KCNQ3: variants seen among roughly 807,000 people sequenced by gnomAD.
The protein encoded by KCNQ3 is potassium voltage-gated channel subfamily KQT member 3.
KCNQ3 carries 30 observed loss-of-function variants against 92.5 expected under a neutral mutation model. The ratio of observed to expected loss-of-function variants is 0.32; its 90% CI spans 0.24 to 0.44. The LOEUF (loss-of-function observed/expected upper bound fraction) is 0.44, where lower values mean the gene tolerates loss of function less well. KCNQ3 is among the 20% of genes least tolerant of loss of function. KCNQ3 has a pLI of 1.00. For synonymous variants in KCNQ3, 450 were observed against 468.8 expected (o/e 0.96, Z 0.52); for missense variants, 913 against 1,140.3 (o/e 0.80, Z 2.87).
At chr8:132,382,407 C>T (rs1211428456) in intron 1 of KCNQ3, among the ~76,000 whole-genome samples, 2 of 152,144 alleles carry the variant, frequency 1.3e-5, no homozygotes, top group South Asian at 2.1e-4. Flanking sequence ...ATGCGACATG[C>T]CTGTTCCCCT....
At chr8:132,272,950 T>G (rs13276897) in intron 1 of KCNQ3, among the ~76,000 whole-genome samples, 1 of 151,952 alleles carries the variant, frequency 6.6e-6, no homozygotes, top group Non-Finnish European at 1.5e-5. Context: ...GTACACAGTC[T>G]GAAGTCTCAT....
chr8:132,376,090 C>T (rs1209164676), intron 1 of KCNQ3, among the ~76,000 whole-genome samples: 3 of 152,122 alleles, frequency 2.0e-5, no homozygotes, highest in East Asian at 3.9e-4. Flanking sequence ...ATTGAACTTG[C>T]CTAGCATGCC....
chr8:132,175,625 T>C lies in KCNQ3; in HGVS notation c.778-17A>G. On this transcript the variant is annotated splice_polypyrimidine_tract_variant and intron_variant, in intron 4 of 14. Coordinates refer to ENST00000388996, the MANE Select transcript of KCNQ3 (RefSeq NM_004519.4). Reference sequence around the variant, plus strand: ...GATGAGTTCCTGAAAGAATGAACAGTGGACATGAAAAGTGGTCACTGGGGA... The same window carrying C: ...GATGAGTTCCTGAAAGAATGAACAGCGGACATGAAAAGTGGTCACTGGGGA... The C allele has an allele frequency of 1.2e-6, 2 of 1,613,130 alleles. No individual in the cohort carries two copies. The highest frequency in any genetic ancestry group is 1.7e-5 in the Admixed American group (1 of 59,870).
Position 132,480,678 on chromosome 8 carries a change from C to CG in KCNQ3, c.-147_-146insC, listed in dbSNP as rs1023163995. 1.0e-5 allele frequency: 9 copies of CG among 900,134 alleles called. No homozygotes were observed. In the Admixed American group the frequency reaches 2.7e-4, roughly 27 times the overall value. 55.8% of individuals were successfully genotyped at this position (900,134 alleles called of 1,614,324 possible). On this transcript the variant is annotated 5_prime_UTR_variant, in exon 1 of 15. Coordinates refer to ENST00000388996, the MANE Select transcript of KCNQ3 (RefSeq NM_004519.4). ...TCCGCGCGCCCCTCCCCACCCCCCC[C>CG]CAAAAGCAGGCAAAGGCGGGCCCCC...
intron 1 of KCNQ3, among the ~76,000 whole-genome samples, chr8:132,339,390 G>T (rs181072443): frequency 6.6e-6 from 1 of 152,192 alleles, no homozygotes; most frequent in East Asian, 1.9e-4. Flanking sequence ...ATACAAGTTT[G>T]TCCTCTGCCA....
intron 11 of KCNQ3, 151 bp downstream of exon 11, chr8:132,139,925 T>A (rs976967645): frequency 3.3e-6 from 2 of 609,916 alleles, no homozygotes; most frequent in Non-Finnish European, 5.8e-6. Context: ...CATACAGTAT[T>A]TACATACTTC....
intron 11 of KCNQ3, among the ~76,000 whole-genome samples, chr8:132,139,427 C>T (rs759562424): frequency 6.6e-6 from 1 of 152,238 alleles, no homozygotes; most frequent in Non-Finnish European, 1.5e-5. Flanking sequence ...CTGTGCTTCC[C>T]TATCTATTGG....
intron 9 of KCNQ3, among the ~76,000 whole-genome samples, chr8:132,155,920 C>T (rs898908605): frequency 6.6e-6 from 1 of 152,098 alleles, no homozygotes; most frequent in Non-Finnish European, 1.5e-5. Flanking sequence ...TGAAATAACT[C>T]TGATGTGTTA....
At chr8:132,291,380 G>A (rs911853685) in intron 1 of KCNQ3, among the ~76,000 whole-genome samples, 4 of 152,190 alleles carry the variant, frequency 2.6e-5, no homozygotes, top group African/African-American at 9.7e-5. Flanking sequence ...ACAGCCTGCT[G>A]ATGTGAAATA....
intron 4 of KCNQ3, 27 bp downstream of exon 4, chr8:132,180,130 G>C: frequency 6.2e-7 from 1 of 1,613,340 alleles, no homozygotes; most frequent in Non-Finnish European, 8.5e-7. Flanking sequence ...AGCCCATGTG[G>C]TCCTGCAGTT....
chr8:132,251,273 A>C (rs1359181722), intron 1 of KCNQ3, among the ~76,000 whole-genome samples: 1 of 152,166 alleles, frequency 6.6e-6, no homozygotes, highest in Non-Finnish European at 1.5e-5. Context: ...AAGAAAAAAA[A>C]AGGCATGCTT....
rs1205026004 is a variant in KCNQ3, at chr8:132,174,375, G to A, written c.934-26C>T. On this transcript the variant is annotated intron_variant, in intron 5 of 14. Coordinates refer to ENST00000388996, the MANE Select transcript of KCNQ3 (RefSeq NM_004519.4). ...CTGAAGAGAGAAGAGTTCAGACATG[G>A]AGTACCACATGGAGAGGAATATCAG... 3 of 1,484,474 alleles carry A rather than the reference G, an allele frequency of 2.0e-6. No individual in the cohort carries two copies. In the Admixed American group the frequency reaches 5.9e-5, roughly 29 times the overall value. The allele number at this position is 1,484,474 out of a possible 1,614,324, so 92.0% of individuals were successfully genotyped here. A position where few individuals can be genotyped will look rare whatever the true frequency, so the allele number is the denominator to read the frequency against.
intron 1 of KCNQ3, among the ~76,000 whole-genome samples, chr8:132,279,119 C>G (rs557483212): frequency 5.3e-5 from 8 of 152,148 alleles, no homozygotes; most frequent in African/African-American, 1.9e-4. Flanking sequence ...TCAGGAGGCT[C>G]AGGCAGGAGA....
intron 1 of KCNQ3, among the ~76,000 whole-genome samples, chr8:132,327,873 T>C (rs1818105191): frequency 2.0e-5 from 3 of 152,052 alleles, no homozygotes; most frequent in Admixed American, 1.3e-4. Flanking sequence ...AGGGGCAGTC[T>C]GGGGTACAGA....
In KCNQ3 at chr8:132,335,293, C is replaced by G. The variant is rs551410443; in HGVS notation, c.386+144854G>C. On this transcript the variant is annotated intron_variant, in intron 1 of 14. Transcript: ENST00000388996. The stretch of plus-strand genomic sequence containing the variant: ...TGTCATCATGATCCGCCTGCCTCAG[C>G]ATCCCAAAGTGCTGGGATTACAGGT... 4.6e-5 allele frequency among the ~76,000 whole-genome samples: 7 copies of G among 152,308 alleles called. No individual in the cohort carries two copies. In the South Asian group the frequency reaches 1.4e-3, roughly 32 times the overall value.
intron 1 of KCNQ3, among the ~76,000 whole-genome samples, chr8:132,233,023 T>G (rs774178354): frequency 3.3e-5 from 5 of 152,228 alleles, no homozygotes; most frequent in Non-Finnish European, 7.3e-5. Context: ...TGAACAAATA[T>G]CAGCAGCTGC....
At chr8:132,452,459 A>G (rs1587035036) in intron 1 of KCNQ3, among the ~76,000 whole-genome samples, 1 of 152,310 alleles carries the variant, frequency 6.6e-6, no homozygotes, top group East Asian at 1.9e-4. Context: ...TTCCATGCAC[A>G]TGCTGCTTTA....
intron 1 of KCNQ3, among the ~76,000 whole-genome samples, chr8:132,333,625 G>C (rs1356161806): frequency 2.0e-5 from 3 of 152,038 alleles, no homozygotes; most frequent in Non-Finnish European, 2.9e-5. Context: ...TGTATATTTG[G>C]GGTGGTTGCA....
chr8:132,401,665 C>T (rs759983406), intron 1 of KCNQ3, among the ~76,000 whole-genome samples: 3 of 152,206 alleles, frequency 2.0e-5, no homozygotes, highest in African/African-American at 7.2e-5. Flanking sequence ...TGAGCCACCA[C>T]GCTAGGCCAA....
Sources: allele counts gnomAD v4.1 joint callset (sites outside exome capture counted in the v4.1 genomes callset), GRCh38; gene constraint gnomAD v4.1.1; transcripts MANE v1.5; gene names NCBI Gene and HGNC (gene_info 2026-07-23, HGNC 2026-07-21).